RAP1GDS1: variants seen among roughly 807,000 people sequenced by gnomAD.
The protein encoded by RAP1GDS1 is RAP1, GTP-GDP dissociation stimulator 1.
A neutral mutation model predicts 71.1 loss-of-function variants in RAP1GDS1; 35 were observed. The observed-to-expected ratio is 0.49, with a 90% CI of 0.38 to 0.65. RAP1GDS1 has a LOEUF of 0.65. RAP1GDS1 is among the 30% of genes least tolerant of loss of function. The pLI, the probability that RAP1GDS1 is intolerant of heterozygous loss-of-function variation, is 0.00. For missense variants in RAP1GDS1, 663 were observed against 706.1 expected (o/e 0.94, Z 0.69); for synonymous variants, 229 against 243.1 (o/e 0.94, Z 0.54).
In RAP1GDS1 at chr4:98,345,362, T is replaced by C. The variant is rs544658167; in HGVS notation, c.235+2101T>C. On this transcript the variant is annotated intron_variant, in intron 3 of 14. Transcript: ENST00000408927. ...CAAATAAACCCCAAATAGGTTTTTG[T>C]ACGCACAAAAAGAATCTTTAAAAAT... Among the ~76,000 whole-genome samples, 19 of 152,372 alleles carry C rather than the reference T, an allele frequency of 1.2e-4. No homozygotes were observed. In the South Asian group the frequency reaches 3.7e-3, roughly 30 times the overall value.
intron 2 of RAP1GDS1, among the ~76,000 whole-genome samples, chr4:98,336,252 A>G (rs17027484): frequency 0.024 from 3,620 of 152,278 alleles, 136 homozygotes; most frequent in African/African-American, 0.083. Flanking sequence ...CACAGTCATT[A>G]ACACATTTCC....
intron 2 of RAP1GDS1, among the ~76,000 whole-genome samples, chr4:98,309,626 G>T (rs1447124342): frequency 1.3e-5 from 2 of 151,898 alleles, no homozygotes; most frequent in African/African-American, 4.8e-5. Flanking sequence ...AAAAGAATTT[G>T]TAGAAGCACA....
At chr4:98,343,095 C>T in intron 2 of RAP1GDS1, 44 bp from the exon 3 acceptor site, 1 of 1,546,976 alleles carries the variant, frequency 6.5e-7, no homozygotes, top group Non-Finnish European at 8.8e-7. Context: ...TCAGTGTTAG[C>T]ATTAAAGATT....
At chr4:98,418,985 A>G (rs989532628) in intron 10 of RAP1GDS1, among the ~76,000 whole-genome samples, 194 bp downstream of exon 10, 3 of 152,226 alleles carry the variant, frequency 2.0e-5, no homozygotes, top group Admixed American at 2.0e-4. Flanking sequence ...ACTGTACAAG[A>G]ATAATCTTTG....
At chr4:98,375,844 T>C (rs985071733) in intron 4 of RAP1GDS1, among the ~76,000 whole-genome samples, 2 of 152,180 alleles carry the variant, frequency 1.3e-5, no homozygotes, top group Admixed American at 6.6e-5. Context: ...AAAGTTAGGA[T>C]GCACTGTACG....
At chr4:98,262,031 G>C (rs1722078054) in intron 1 of RAP1GDS1, among the ~76,000 whole-genome samples, 1 of 152,258 alleles carries the variant, frequency 6.6e-6, no homozygotes, top group African/African-American at 2.4e-5. Flanking sequence ...CCGTCGTGGA[G>C]ACTCCTCATC....
chr4:98,403,249 GT>G (rs1277792650), intron 6 of RAP1GDS1, among the ~76,000 whole-genome samples: 12 of 152,224 alleles, frequency 7.9e-5, no homozygotes, highest in Admixed American at 3.3e-4. Context: ...ATTAGATTAG[GT>G]CAGAATTCAC....
intron 2 of RAP1GDS1, among the ~76,000 whole-genome samples, chr4:98,299,445 A>G (rs766907295): frequency 1.3e-5 from 2 of 152,124 alleles, no homozygotes; most frequent in Non-Finnish European, 2.9e-5. Flanking sequence ...TCCCTCTATT[A>G]TGGATGACTT....
chr4:98,339,037 T>C (rs1165527176), intron 2 of RAP1GDS1, among the ~76,000 whole-genome samples: 1 of 152,234 alleles, frequency 6.6e-6, no homozygotes, highest in Non-Finnish European at 1.5e-5. Context: ...ATACTTTGTA[T>C]TGACCTTGAC....
intron 12 of RAP1GDS1, among the ~76,000 whole-genome samples, chr4:98,424,374 C>T (rs1749310659): frequency 6.6e-6 from 1 of 152,078 alleles, no homozygotes; most frequent in Non-Finnish European, 1.5e-5. Context: ...ATAAAATGCA[C>T]TAACACTAAC....
At chr4:98,283,419 C>A (rs1725475008) in intron 1 of RAP1GDS1, among the ~76,000 whole-genome samples, 1 of 146,346 alleles carries the variant, frequency 6.8e-6, no homozygotes, top group Non-Finnish European at 1.5e-5. Context: ...AAAGCACCAT[C>A]AGTCAAATGA....
chr4:98,274,553 C>G (rs13116916), intron 1 of RAP1GDS1, among the ~76,000 whole-genome samples: 27,925 of 152,128 alleles, frequency 0.18, 2,750 homozygotes, highest in South Asian at 0.32. Context: ...ATTTGTTCAA[C>G]TAAACCTTTT....
intron 2 of RAP1GDS1, among the ~76,000 whole-genome samples, chr4:98,307,823 C>T (rs1437071371): frequency 6.6e-6 from 1 of 151,916 alleles, no homozygotes; most frequent in Non-Finnish European, 1.5e-5. Flanking sequence ...TTCCTCTTGC[C>T]CTTATAACTA....
At chr4:98,423,616 C>A (rs1749190381) in intron 12 of RAP1GDS1, among the ~76,000 whole-genome samples, 2 of 152,100 alleles carry the variant, frequency 1.3e-5, no homozygotes, top group Non-Finnish European at 2.9e-5. Flanking sequence ...GCGATCTCCA[C>A]TCACTGTAAC....
At chr4:98,263,176 C>T (rs1722269147) in intron 1 of RAP1GDS1, among the ~76,000 whole-genome samples, 1 of 151,978 alleles carries the variant, frequency 6.6e-6, no homozygotes, top group African/African-American at 2.4e-5. Context: ...AACATACATA[C>T]ACAGATAAGT....
chr4:98,420,277 T>C, intron 11 of RAP1GDS1, 133 bp downstream of exon 11: 1 of 845,832 alleles, frequency 1.2e-6, no homozygotes. Flanking sequence ...ATTTAAAAGT[T>C]GGTTTTGGAA....
chr4:98,387,389 A>G, intron 5 of RAP1GDS1: 2 of 455,432 alleles, frequency 4.4e-6, no homozygotes, highest in Non-Finnish European at 8.8e-6. Context: ...CATTAAACTT[A>G]AAACTCAGGG....
At chr4:98,398,105 G>A (rs1009040501) in intron 6 of RAP1GDS1, among the ~76,000 whole-genome samples, 3 of 151,808 alleles carry the variant, frequency 2.0e-5, no homozygotes, top group African/African-American at 7.3e-5. Context: ...TCTCTAACAT[G>A]GAAGATAAAT....
intron 1 of RAP1GDS1, among the ~76,000 whole-genome samples, chr4:98,289,997 TTGAG>T (rs1726695976): frequency 6.6e-6 from 1 of 151,860 alleles, no homozygotes; most frequent in Non-Finnish European, 1.5e-5. Context: ...CAGAAAAAAA[TTGAG>T]TGACATTTGA....
Sources: gnomAD v4.1 joint callset for allele counts (sites outside exome capture counted in the v4.1 genomes callset) on GRCh38, gnomAD v4.1.1 for gene constraint, MANE v1.5 for transcripts, NCBI Gene and HGNC (gene_info 2026-07-23, HGNC 2026-07-21) for gene names.